The following FAM240C variants were observed in gnomAD, a reference collection of about 807,000 sequenced individuals.
The protein encoded by FAM240C is family with sequence similarity 240 member C.
A neutral mutation model predicts 10.0 loss-of-function variants in FAM240C; 14 were observed. The ratio of observed to expected loss-of-function variants is 1.40; its 90% CI spans 0.92 to 2.19. FAM240C has a LOEUF of 2.19. FAM240C is among the 30% of genes most tolerant of loss of function. The pLI, the probability that FAM240C is intolerant of heterozygous loss-of-function variation, is 0.00. For synonymous variants in FAM240C, 49 were observed against 44.3 expected (o/e 1.11, Z -0.42); for missense variants, 154 against 122.3 (o/e 1.26, Z -1.22).
upstream of FAM240C, among the ~76,000 whole-genome samples, chr2:241,901,307 GCAGGGCCGGCC>G (rs1701977054): frequency 6.6e-6 from 1 of 152,192 alleles, no homozygotes; most frequent in Admixed American, 6.5e-5. This position sits in a 1 kb window ranked among gnomAD's most constrained non-coding sequence, Gnocchi z 4.9. Context: ...GGAGCCGGCA[GCAGGGCCGGCC>G]CAGGGCCAGC....
chr2:241,894,178 C>T lies in FAM240C; in HGVS notation c.*35G>A, dbSNP rs905182108. On this transcript the variant is annotated 3_prime_UTR_variant, in exon 3 of 3. Coordinates refer to ENST00000404031, the MANE Select transcript of FAM240C (RefSeq NM_001382368.1). ...GTGGTGTTCCTTCTCCATGACCCTC[C>T]GGAAGCTCATGCAGAGTCTGGAGCT... The T allele has an allele frequency of 1.7e-5, 26 of 1,534,168 alleles. 1 individual carries two copies. The Middle Eastern group carries it at 5.0e-4, about 30-fold the overall frequency.
At chr2:241,894,909 C>T (rs28501156) in intron 2 of FAM240C, among the ~76,000 whole-genome samples, 35,410 of 152,132 alleles carry the variant, frequency 0.23, 4,557 homozygotes, top group African/African-American at 0.34. Flanking sequence ...CTCAGCACCA[C>T]GCATGGGCGG....
At chr2:241,899,163 TTGCAATGAACAGGTGC>T (rs1386553272) in intron 1 of FAM240C, 2 of 1,304,066 alleles carry the variant, frequency 1.5e-6, no homozygotes, top group Non-Finnish European at 2.0e-6. Context: ...TCGGCTCAGG[TTGCAATGAACAGGTGC>T]TGGGGACTCC....
intron 2 of FAM240C, among the ~76,000 whole-genome samples, chr2:241,894,706 T>G (rs1198147035): frequency 1.3e-5 from 2 of 152,174 alleles, no homozygotes; most frequent in African/African-American, 4.8e-5. Flanking sequence ...GCTTGAGCTC[T>G]TGCAGCCTCT....
intron 2 of FAM240C, among the ~76,000 whole-genome samples, chr2:241,896,287 C>T (rs999256389): frequency 6.6e-6 from 1 of 152,202 alleles, no homozygotes; most frequent in Non-Finnish European, 1.5e-5. Flanking sequence ...ACCCATAGAC[C>T]CCTGGCCTTG....
upstream of FAM240C, chr2:241,902,487 G>A (rs1702009115): frequency 6.5e-6 from 1 of 153,278 alleles, no homozygotes; most frequent in Non-Finnish European, 1.5e-5. This position sits in a 1 kb window ranked among gnomAD's most constrained non-coding sequence, Gnocchi z 7.1. Context: ...CCCGTCCTGC[G>A]CCCCTGTACC....
At position 241,899,285 on chromosome 2, in the gene FAM240C, C is replaced by A. The variant is rs547613111; in HGVS notation, c.12+1073G>T. 207 of 1,262,840 alleles carry A rather than the reference C, an allele frequency of 1.6e-4. 1 individual carries two copies. In the South Asian group the frequency reaches 2.4e-3, roughly 15 times the overall value. The allele number at this position is 1,262,840 out of a possible 1,614,324, so 78.2% of individuals were successfully genotyped here. On this transcript the variant is annotated intron_variant, in intron 1 of 2. Coordinates refer to ENST00000404031, the MANE Select transcript of FAM240C (RefSeq NM_001382368.1). ...AGCCTGTTGTGATGTGGGTGCTGGGCGCTTTGCTGGGGAGCTGCCCCTGGA... is the reference window on the plus strand; with the variant it reads ...AGCCTGTTGTGATGTGGGTGCTGGGAGCTTTGCTGGGGAGCTGCCCCTGGA...
At chr2:241,896,492 G>A (rs1575419461) in intron 2 of FAM240C, among the ~76,000 whole-genome samples, 1 of 101,032 alleles carries the variant, frequency 9.9e-6, no homozygotes, top group Admixed American at 9.7e-5. Flanking sequence ...GGGGAAGGGG[G>A]TGTGGGTGAA....
At position 241,894,395 on chromosome 2, in the gene FAM240C, G is replaced by A. The variant is rs188703495; in HGVS notation, c.162-56C>T. 5,592 of 1,505,084 alleles carry A rather than the reference G, an allele frequency of 3.7e-3. 13 individuals are homozygous for A. The highest frequency in any genetic ancestry group is 4.5e-3 in the Non-Finnish European group (5,096 of 1,122,652). 93.2% of individuals were successfully genotyped at this position (1,505,084 alleles called of 1,614,324 possible). On this transcript the variant is annotated intron_variant, in intron 2 of 2. Coordinates refer to ENST00000404031, the MANE Select transcript of FAM240C (RefSeq NM_001382368.1). ...AGTCAAGCTCTCGGAACTTAGTGAC[G>A]GCCAAGCCCGTGTCTCTCAGCACCT...
intron 2 of FAM240C, among the ~76,000 whole-genome samples, chr2:241,895,939 G>C (rs563178342): frequency 7.1e-6 from 1 of 141,128 alleles, no homozygotes; most frequent in East Asian, 2.0e-4. Context: ...ATGAGGCAGG[G>C]CCCGTGGGGC....
intron 2 of FAM240C, among the ~76,000 whole-genome samples, chr2:241,896,554 T>TGTGTTGGGGTGTGGGTGTTGGGGTGTGG (rs1701814424): frequency 1.6e-4 from 2 of 12,766 alleles, no homozygotes; most frequent in African/African-American, 5.7e-4. Context: ...TTGGGGTGTG[T>TGTGTTGGGGTGTGGGTGTTGGGGTGTGG]GTGTTGGGGT....
At chr2:241,896,349 C>A (rs962180122) in intron 2 of FAM240C, among the ~76,000 whole-genome samples, 4 of 152,280 alleles carry the variant, frequency 2.6e-5, no homozygotes, top group Non-Finnish European at 5.9e-5. Flanking sequence ...CTGAGCAAGT[C>A]TGCTAGGAGG....
At chr2:241,898,892 C>T (rs577918645) in intron 1 of FAM240C, among the ~76,000 whole-genome samples, 4 of 152,366 alleles carry the variant, frequency 2.6e-5, no homozygotes, top group African/African-American at 7.2e-5. Flanking sequence ...CGGCCAGCTC[C>T]TCGGGGCCTA....
upstream of FAM240C, among the ~76,000 whole-genome samples, chr2:241,900,804 AACG>A (rs1056742374): frequency 1.3e-5 from 2 of 151,672 alleles, no homozygotes; most frequent in African/African-American, 4.8e-5. The surrounding 1 kb of genome is among the most constrained non-coding windows in gnomAD (Gnocchi z 4.5). Context: ...TATATCACAA[AACG>A]ACGATGCAGA....
upstream of FAM240C, among the ~76,000 whole-genome samples, chr2:241,902,316 CT>C (rs1702001182): frequency 1.4e-5 from 2 of 147,336 alleles, no homozygotes; most frequent in Non-Finnish European, 3.0e-5. The surrounding 1 kb of genome is among the most constrained non-coding windows in gnomAD (Gnocchi z 7.1). Flanking sequence ...GGAGTCCCGC[CT>C]GCCGCCTCCC....
intron 2 of FAM240C, among the ~76,000 whole-genome samples, chr2:241,896,389 C>T (rs1389290236): frequency 1.3e-5 from 2 of 152,146 alleles, no homozygotes; most frequent in East Asian, 1.9e-4. Context: ...ATACGTCACT[C>T]AAGGGCAGTG....
At chr2:241,899,231 T>G in intron 1 of FAM240C, 1 of 1,303,376 alleles carries the variant, frequency 7.7e-7, no homozygotes, top group Non-Finnish European at 1.0e-6. Flanking sequence ...GGCTTCCAGC[T>G]GCAGAGGCGC....
intron 2 of FAM240C, among the ~76,000 whole-genome samples, chr2:241,895,858 CAGGCACACGCAG>C (rs1211847846): frequency 1.3e-5 from 2 of 152,010 alleles, no homozygotes; most frequent in Non-Finnish European, 2.9e-5. Context: ...ATGGCACATG[CAGGCACACGCAG>C]AGGCACGCGG....
rs984609198 is a variant in FAM240C at position 241,900,422 on chromosome 2, C to A, written c.-53G>T. ...CTCTGTTGAGGGTCCTCAGCCTGTC[C>A]TCTCCGGGGTGCACGCCTGTATCTC... On this transcript the variant is annotated 5_prime_UTR_variant, in exon 1 of 3. It adds an upstream start codon to the 5' untranslated region. Coordinates refer to ENST00000404031, the MANE Select transcript of FAM240C (RefSeq NM_001382368.1). This position sits in a 1 kb window ranked among gnomAD's most constrained non-coding sequence, Gnocchi z 4.5. 2.8e-6 allele frequency: 2 copies of A among 716,524 alleles called. No individual in the cohort carries two copies. The highest frequency in any genetic ancestry group is 5.2e-6 in the Non-Finnish European group (2 of 384,826). The allele number at this position is 716,524 out of a possible 1,614,324, so 44.4% of individuals were successfully genotyped here.
Sources: gnomAD v4.1 joint callset for allele counts (sites outside exome capture counted in the v4.1 genomes callset) on GRCh38, gnomAD v4.1.1 for gene constraint, Gnocchi (gnomAD v3.1) non-coding constraint, MANE v1.5 for transcripts, NCBI Gene and HGNC (gene_info 2026-07-23, HGNC 2026-07-21) for gene names.